Variants in DDX31 observed in about 807,000 individuals in gnomAD.
The protein encoded by DDX31 is DEAD-box helicase 31, also known as ATP-dependent DNA helicase DDX31.
A neutral mutation model predicts 91.3 loss-of-function variants in DDX31; 70 were observed. That is an observed-to-expected ratio of 0.77 (90% confidence interval 0.63 to 0.94). The LOEUF is 0.94. DDX31 is among the 40% of genes least tolerant of loss of function. DDX31 has a pLI of 0.00. For missense variants in DDX31, 902 were observed against 925.0 expected, an observed-to-expected ratio of 0.98 and a Z score of 0.32; for synonymous variants, 362 against 350.6, an observed-to-expected ratio of 1.03 and a Z score of -0.36.
chr9:132,661,112 G>C, intron 4 of DDX31, 96 bp downstream of exon 4: 1 of 1,069,964 alleles, frequency 9.3e-7, no homozygotes, highest in East Asian at 2.4e-5. Context: ...GTGTTCCAAC[G>C]CCAAGACACA....
chr9:132,596,866 C>T (rs1589949712), intron 19 of DDX31, among the ~76,000 whole-genome samples: 1 of 152,210 alleles, frequency 6.6e-6, no homozygotes, highest in South Asian at 2.1e-4. Flanking sequence ...TGAGGGGAGA[C>T]AGCAGAGCTG....
chr9:132,595,136 G>C lies in DDX31; in HGVS notation c.1995-24C>G. The C allele has an allele frequency of 6.3e-7, 1 of 1,591,942 alleles. No individual in the cohort carries two copies. Among genetic ancestry groups the C allele is most frequent in the Admixed American group, 1.8e-5 (1 of 56,030 alleles). On this transcript the variant is annotated intron_variant, in intron 19 of 19. Transcript: ENST00000372159. This position sits in a 1 kb window ranked among gnomAD's most constrained non-coding sequence, Gnocchi z 4.6. ...GCCTGAAGAACAGTAACAGCAGAGAGGGAAAAGAAACTTTATTATTTTTCT... is the reference window on the plus strand; with the variant it reads ...GCCTGAAGAACAGTAACAGCAGAGACGGAAAAGAAACTTTATTATTTTTCT...
rs146496194 is a variant in DDX31, at chr9:132,646,631, T to C, written c.1203+192A>G. On this transcript the variant is annotated intron_variant, in intron 12 of 19. Coordinates refer to ENST00000372159, the MANE Select transcript of DDX31 (RefSeq NM_022779.9). ...TTCAAGCTGAACATCATGGCTATCATTGACCTCTGAGTTTTTACCATAATC... is the reference window on the plus strand; with the variant it reads ...TTCAAGCTGAACATCATGGCTATCACTGACCTCTGAGTTTTTACCATAATC... Among the ~76,000 whole-genome samples the C allele has an allele frequency of 3.6e-3, 543 of 152,342 alleles. 4 individuals carry two copies. The highest frequency in any genetic ancestry group is 0.012 in the African/African-American group (513 of 41,580).
Position 132,662,251 on chromosome 9 carries a change from AG to A in DDX31, c.408+9del, listed in dbSNP as rs1250236908. On this transcript the variant is annotated intron_variant, in intron 3 of 19. Transcript: ENST00000372159. ...AAAAACTGACCCAGAAAACACTGAA[AG>A]GTACTTACTAAATGTGGGTGGAGGC... The A allele has an allele frequency of 1.2e-6, 2 of 1,613,972 alleles. No individual in the cohort carries two copies. The highest frequency in any genetic ancestry group is 1.7e-6 in the Non-Finnish European group (2 of 1,179,976).
At chr9:132,609,044 C>T (rs1356712729) in intron 19 of DDX31, among the ~76,000 whole-genome samples, 1 of 152,148 alleles carries the variant, frequency 6.6e-6, no homozygotes, top group Non-Finnish European at 1.5e-5. Context: ...CGTCTGCCTT[C>T]GAAAGGCAGG....
Position 132,652,438 on chromosome 9 carries a change from G to C in DDX31, c.633+10C>G. 1.2e-6 allele frequency: 2 copies of C among 1,614,164 alleles called. No individual in the cohort carries two copies. Among genetic ancestry groups the C allele is most frequent in the Non-Finnish European group, 1.7e-6 (2 of 1,180,002 alleles). On this transcript the variant is annotated intron_variant, in intron 7 of 19. Transcript: ENST00000372159. ...TGCTTAAAACTTGTCCCAAAAGGGA[G>C]CCTGCTTACCTCTCTCGTTGGCACG...
intron 19 of DDX31, among the ~76,000 whole-genome samples, chr9:132,604,357 C>T (rs1365773041): frequency 2.6e-5 from 4 of 152,180 alleles, no homozygotes; most frequent in African/African-American, 4.8e-5. Flanking sequence ...CCTAAAGACA[C>T]GATCCAGCAT....
chr9:132,634,294 A>T (rs1832965698), intron 14 of DDX31, among the ~76,000 whole-genome samples: 1 of 152,206 alleles, frequency 6.6e-6, no homozygotes, highest in African/African-American at 2.4e-5. Flanking sequence ...GGAGATACAG[A>T]TGTAACTCCT....
Position 132,618,456 on chromosome 9 carries a change from GAAGGATTA to G in DDX31, c.1714-23_1714-16del. 1 of 1,604,058 alleles carries G rather than the reference GAAGGATTA, an allele frequency of 6.2e-7. No homozygotes were observed. Among genetic ancestry groups the G allele is most frequent in the South Asian group, 1.1e-5 (1 of 89,280 alleles). ...GCATGGGATTTCTGAGAGGGCGACG[GAAGGATTA>G]AAGGAGAGATAGAGTCAAGGTCAGG... On this transcript the variant is annotated splice_polypyrimidine_tract_variant and intron_variant, in intron 17 of 19. Transcript: ENST00000372159.
intron 6 of DDX31, among the ~76,000 whole-genome samples, chr9:132,657,328 T>C (rs1834630647): frequency 6.6e-6 from 1 of 152,192 alleles, no homozygotes; most frequent in South Asian, 2.1e-4. Flanking sequence ...CACACACCCT[T>C]CTCTCAGCTT....
intron 17 of DDX31, among the ~76,000 whole-genome samples, chr9:132,624,511 A>C (rs1056022112): frequency 6.6e-6 from 1 of 152,244 alleles, no homozygotes; most frequent in Admixed American, 6.5e-5. Context: ...TAATACTAAT[A>C]AAGGCATATT....
rs1366283732 is a variant in DDX31 at position 132,593,006 on chromosome 9, AAG to A, written c.*1858_*1859del. 1 of 152,344 alleles carries A rather than the reference AAG, an allele frequency of 6.6e-6. No individual in the cohort carries two copies. The highest frequency in any genetic ancestry group is 1.9e-4 in the East Asian group (1 of 5,192). The allele number at this position is 152,344 out of a possible 1,614,324, so 9.4% of individuals were successfully genotyped here. On this transcript the variant is annotated 3_prime_UTR_variant, in exon 20 of 20. Coordinates refer to ENST00000372159, the MANE Select transcript of DDX31 (RefSeq NM_022779.9). Reference sequence around the variant, plus strand: ...CTGTCAAGAGCCATAATAGAAGAGAAAGAGATTTATTTTAAGGTTATTTAAAT... The same window carrying A: ...CTGTCAAGAGCCATAATAGAAGAGAAAGATTTATTTTAAGGTTATTTAAAT...
At chr9:132,622,172 G>T (rs922043412) in intron 17 of DDX31, among the ~76,000 whole-genome samples, 9 of 152,298 alleles carry the variant, frequency 5.9e-5, no homozygotes, top group Admixed American at 1.3e-4. Flanking sequence ...CACAGCAATT[G>T]TATGTTTTAC....
chr9:132,624,841 G>A (rs946574697), intron 17 of DDX31, among the ~76,000 whole-genome samples: 2 of 152,196 alleles, frequency 1.3e-5, no homozygotes, highest in Admixed American at 1.3e-4. Context: ...GTGAAACGGG[G>A]TCCCTCCCTG....
chr9:132,657,777 G>A (rs1246729396), intron 6 of DDX31, among the ~76,000 whole-genome samples: 2 of 152,200 alleles, frequency 1.3e-5, no homozygotes, highest in Non-Finnish European at 2.9e-5. Context: ...TGGCGTTTGA[G>A]ATGAAGCCTC....
intron 13 of DDX31, among the ~76,000 whole-genome samples, chr9:132,645,627 T>C (rs1481644745): frequency 1.3e-5 from 2 of 152,162 alleles, no homozygotes; most frequent in African/African-American, 4.8e-5. Flanking sequence ...GTCCAGGGCC[T>C]GTGAGCTCTC....
intron 19 of DDX31, among the ~76,000 whole-genome samples, chr9:132,609,487 C>T (rs1055061274): frequency 6.6e-6 from 1 of 152,168 alleles, no homozygotes; most frequent in African/African-American, 2.4e-5. Context: ...AAGATCTGGG[C>T]CGGTCTGAGG....
rs200357088 is a variant in DDX31 at position 132,662,664 on chromosome 9, G to A, written c.107C>T (p.Ala36Val). 8.2e-5 allele frequency: 133 copies of A among 1,614,144 alleles called. No homozygotes were observed. Among genetic ancestry groups the A allele is most frequent in the Non-Finnish European group, 1.1e-4 (126 of 1,180,022 alleles). ...TTTCGCTGGGGGAGCCTCACTGGACGCTTGGTATTTTCTTTTCGTAGCCTT... is the reference window on the plus strand; with the variant it reads ...TTTCGCTGGGGGAGCCTCACTGGACACTTGGTATTTTCTTTTCGTAGCCTT... ...QAKATKRKYQ[A>V]SSEAPPAKRR... Residue 36 changes from alanine (A) to valine (V), a missense_variant, in exon 2 of 20, where the codon GCG becomes GTG. Physicochemically the swap from Ala to Val is moderately conservative, Grantham distance 64. Coordinates refer to ENST00000372159, the MANE Select transcript of DDX31 (RefSeq NM_022779.9).
chr9:132,598,678 T>C (rs1379658578), intron 19 of DDX31, among the ~76,000 whole-genome samples: 1 of 152,252 alleles, frequency 6.6e-6, no homozygotes, highest in African/African-American at 2.4e-5. Context: ...AAAAACCCAT[T>C]CTAATTCAGG....
Sources: gnomAD v4.1 joint callset for allele counts (sites outside exome capture counted in the v4.1 genomes callset) on GRCh38, gnomAD v4.1.1 for gene constraint, Gnocchi (gnomAD v3.1) non-coding constraint, MANE v1.5 for transcripts, NCBI Gene and HGNC (gene_info 2026-07-23, HGNC 2026-07-21) for gene names.